The following PCCA variants were observed in gnomAD, a reference collection of about 807,000 sequenced individuals.
PCCA encodes the protein propionyl-CoA carboxylase alpha chain, mitochondrial.
PCCA carries 74 observed loss-of-function variants against 101.3 expected under a neutral mutation model. That is an observed-to-expected ratio of 0.73 (90% CI 0.61 to 0.89). The LOEUF (loss-of-function observed/expected upper bound fraction) is 0.89. Among genes scored for constraint, PCCA ranks in the 40% least tolerant of loss-of-function variants. The pLI is 0.00. For missense variants in PCCA, 891 were observed against 907.0 expected (o/e 0.98, Z 0.23); for synonymous variants, 294 against 313.6 (o/e 0.94, Z 0.66).
intron 20 of PCCA, among the ~76,000 whole-genome samples, chr13:100,438,105 GT>G (rs528550409): frequency 1.0e-4 from 15 of 144,842 alleles, no homozygotes; most frequent in African/African-American, 1.5e-4. Context: ...GCACCATGTT[GT>G]TTTTTTTTTC....
intron 6 of PCCA, among the ~76,000 whole-genome samples, chr13:100,163,093 T>C (rs1258363284): frequency 1.3e-5 from 2 of 152,172 alleles, no homozygotes; most frequent in African/African-American, 4.8e-5. Flanking sequence ...AGGAAAACTC[T>C]CCCTTTACAG....
Position 100,129,776 on chromosome 13 carries a change from C to A in PCCA, c.300+17715C>A, listed in dbSNP as rs573226586. On this transcript the variant is annotated intron_variant, in intron 4 of 23. Coordinates refer to ENST00000376285, the MANE Select transcript of PCCA (RefSeq NM_000282.4). ...CCTCCTCTTCAGGCCAAGGGCAGTT[C>A]CTCTTTGGCCTGGTCTTCACCAGTG... Among the ~76,000 whole-genome samples, 3 of 152,282 alleles carry A rather than the reference C, an allele frequency of 2.0e-5. No homozygotes were observed. In the East Asian group the frequency reaches 5.8e-4, roughly 29 times the overall value.
chr13:100,501,061 G>C (rs1269199997), intron 21 of PCCA, among the ~76,000 whole-genome samples: 3 of 152,096 alleles, frequency 2.0e-5, no homozygotes, highest in African/African-American at 7.2e-5. Context: ...ACAATTGCTT[G>C]AACCTGGGAG....
Position 100,268,585 on chromosome 13 carries a change from G to A in PCCA, c.820-104G>A, listed in dbSNP as rs565708390. ...TTGAGAGGTATGTATATACTATGAAGTTTGAATATTAAAAACCAAGAGATG... is the reference window on the plus strand; with the variant it reads ...TTGAGAGGTATGTATATACTATGAAATTTGAATATTAAAAACCAAGAGATG... On this transcript the variant is annotated intron_variant, in intron 10 of 23. Transcript: ENST00000376285. The A allele has an allele frequency of 4.9e-6, 4 of 819,202 alleles. No homozygotes were observed. In the East Asian group the frequency reaches 7.3e-5, roughly 15 times the overall value. 50.7% of individuals were successfully genotyped at this position (819,202 alleles called of 1,614,324 possible).
intron 21 of PCCA, among the ~76,000 whole-genome samples, chr13:100,458,512 A>G (rs1314630642): frequency 2.6e-5 from 4 of 151,680 alleles, no homozygotes; most frequent in South Asian, 2.1e-4. Context: ...ACGCCCACCT[A>G]TAGACCCAGG....
rs140284754 is a variant in PCCA at position 100,380,032 on chromosome 13, A to AACACACACACACACACACACAC, written c.1746+11479_1746+11480insCACACACACACACACACACACA. On this transcript the variant is annotated intron_variant, in intron 19 of 23. Coordinates refer to ENST00000376285, the MANE Select transcript of PCCA (RefSeq NM_000282.4). The stretch of plus-strand genomic sequence containing the variant: ...GACCCAGAATAGCCAAAGTAATCTA[A>AACACACACACACACACACACAC]ACACACACACACACACACACAGACA... Among the ~76,000 whole-genome samples the AACACACACACACACACACACAC allele has an allele frequency of 2.0e-5, 3 of 149,662 alleles. No individual in the cohort carries two copies. The South Asian group carries it at 6.4e-4, about 32-fold the overall frequency.
At chr13:100,193,225 C>T (rs2057859699) in intron 6 of PCCA, among the ~76,000 whole-genome samples, 1 of 152,188 alleles carries the variant, frequency 6.6e-6, no homozygotes, top group Non-Finnish European at 1.5e-5. Flanking sequence ...ATCTCTGTCA[C>T]TTCACTAGTC....
At chr13:100,383,442 C>A (rs2076336803) in intron 19 of PCCA, among the ~76,000 whole-genome samples, 1 of 151,514 alleles carries the variant, frequency 6.6e-6, no homozygotes, top group South Asian at 2.1e-4. Context: ...GCCCTGGCAA[C>A]AAAAAAAATT....
chr13:100,285,871 C>T lies in PCCA; in HGVS notation c.1065+12525C>T, dbSNP rs568231010. On this transcript the variant is annotated intron_variant, in intron 12 of 23. Transcript: ENST00000376285. Reference sequence around the variant, plus strand: ...AGAATGGGATACGAAGGGCAGGTTACGCCATAGTTAGTGATGTAACCATAC... The same window carrying T: ...AGAATGGGATACGAAGGGCAGGTTATGCCATAGTTAGTGATGTAACCATAC... 2.1e-3 allele frequency among the ~76,000 whole-genome samples: 321 copies of T among 152,280 alleles called. 1 individual carries two copies. The highest frequency in any genetic ancestry group is 5.6e-3 in the African/African-American group (231 of 41,562).
chr13:100,218,238 T>C (rs1005537251), intron 7 of PCCA, among the ~76,000 whole-genome samples: 5 of 151,986 alleles, frequency 3.3e-5, no homozygotes, highest in Non-Finnish European at 7.4e-5. Flanking sequence ...TGCAGTGGCG[T>C]GATCTTGACT....
At chr13:100,421,476 T>A (rs2078750905) in intron 19 of PCCA, among the ~76,000 whole-genome samples, 1 of 152,186 alleles carries the variant, frequency 6.6e-6, no homozygotes, top group Non-Finnish European at 1.5e-5. Flanking sequence ...CTCATTTTTT[T>A]AAAGAAGGGG....
rs563713659 is a variant in PCCA at position 100,370,101 on chromosome 13, A to G, written c.1746+1527A>G. 0.012 allele frequency among the ~76,000 whole-genome samples: 107 copies of G among 8,838 alleles called. 4 individuals carry two copies. In the South Asian group the frequency reaches 0.14, roughly 11 times the overall value. 5.8% of individuals were successfully genotyped at this position (8,838 alleles called of 152,430 possible). A position where few individuals can be genotyped will look rare whatever the true frequency, so the allele number is the denominator to read the frequency against. On this transcript the variant is annotated intron_variant, in intron 19 of 23. Coordinates refer to ENST00000376285, the MANE Select transcript of PCCA (RefSeq NM_000282.4). ...TTTTTTTTTTTTTTTTTTTTTTTTG[A>G]GACAGAGTCTTGCTCTGTCGCCCAG...
intron 4 of PCCA, among the ~76,000 whole-genome samples, chr13:100,117,907 G>C (rs1489628216): frequency 2.6e-5 from 4 of 151,982 alleles, no homozygotes; most frequent in Non-Finnish European, 5.9e-5. Flanking sequence ...ATGAGGGCAG[G>C]AGATCGAGAC....
chr13:100,182,426 T>A (rs2056885865), intron 6 of PCCA, among the ~76,000 whole-genome samples: 2 of 152,196 alleles, frequency 1.3e-5, no homozygotes, highest in Non-Finnish European at 2.9e-5. Context: ...AGAAACCTAG[T>A]ACTTAAAGCA....
chr13:100,460,078 G>A (rs543646981), intron 21 of PCCA, among the ~76,000 whole-genome samples: 2 of 152,354 alleles, frequency 1.3e-5, no homozygotes, highest in Admixed American at 6.5e-5. Flanking sequence ...TGGTTGGTAA[G>A]CTGCAGATCC....
At chr13:100,524,306 G>C (rs1051015855) in intron 22 of PCCA, among the ~76,000 whole-genome samples, 2 of 151,394 alleles carry the variant, frequency 1.3e-5, no homozygotes, top group Non-Finnish European at 2.9e-5. Context: ...TTGACATTTG[G>C]TTTGTACATT....
chr13:100,505,822 G>T (rs1294864990), intron 21 of PCCA, among the ~76,000 whole-genome samples: 1 of 149,776 alleles, frequency 6.7e-6, no homozygotes, highest in African/African-American at 2.5e-5. Flanking sequence ...AGCCATGCCT[G>T]GGTGCCAGAG....
At chr13:100,283,720 G>A (rs961724342) in intron 12 of PCCA, among the ~76,000 whole-genome samples, 11 of 151,166 alleles carry the variant, frequency 7.3e-5, no homozygotes, top group African/African-American at 7.3e-5. Flanking sequence ...GAGAAAGGCC[G>A]CAGCCTTAGT....
intron 4 of PCCA, among the ~76,000 whole-genome samples, chr13:100,150,275 A>G (rs754122460): frequency 6.6e-6 from 1 of 151,698 alleles, no homozygotes; most frequent in Non-Finnish European, 1.5e-5. Context: ...CTTGTGATCC[A>G]CCCGCCTCGG....
Sources: gnomAD v4.1 joint callset for allele counts (sites outside exome capture counted in the v4.1 genomes callset) on GRCh38, gnomAD v4.1.1 for gene constraint, MANE v1.5 for transcripts, NCBI Gene and HGNC (gene_info 2026-07-23, HGNC 2026-07-21) for gene names.